The following PLCB1 variants were observed in gnomAD, a reference collection of about 807,000 sequenced individuals.
PLCB1 encodes the protein 1-phosphatidylinositol 4,5-bisphosphate phosphodiesterase beta-1.
PLCB1 carries 46 observed loss-of-function variants against 161.8 expected under a neutral mutation model. The ratio of observed to expected loss-of-function variants is 0.28; its 90% confidence interval spans 0.22 to 0.36. The LOEUF (loss-of-function observed/expected upper bound fraction) is 0.36, where lower values mean the gene tolerates loss of function less well. Ranked by LOEUF, PLCB1 falls within the 10% of genes least tolerant of loss-of-function variation. The probability of loss-of-function intolerance (pLI) is 1.00; values close to 1 mark genes in which losing one functional copy is unlikely to be tolerated. For missense variants in PLCB1, 1,016 were observed against 1,472.5 expected (o/e 0.69, Z 5.07); for synonymous variants, 517 against 503.7 (o/e 1.03, Z -0.35).
chr20:8,151,236 C>T (rs2051504834), intron 2 of PLCB1, among the ~76,000 whole-genome samples: 1 of 152,194 alleles, frequency 6.6e-6, no homozygotes, highest in Non-Finnish European at 1.5e-5. Context: ...ACCATTAAAA[C>T]AGCTGGAACC....
intron 3 of PLCB1, among the ~76,000 whole-genome samples, chr20:8,409,519 AT>A (rs1806596206): frequency 6.6e-6 from 1 of 151,768 alleles, no homozygotes; most frequent in Non-Finnish European, 1.5e-5. Flanking sequence ...CTGAAGTGCA[AT>A]GGCATGGTCT....
chr20:8,210,446 C>A (rs866549647), intron 2 of PLCB1, among the ~76,000 whole-genome samples: 1 of 152,018 alleles, frequency 6.6e-6, no homozygotes, highest in Non-Finnish European at 1.5e-5. Flanking sequence ...CCTTTAAATT[C>A]ATTAAATCTG....
intron 26 of PLCB1, among the ~76,000 whole-genome samples, chr20:8,773,664 G>A (rs1982802926): frequency 6.6e-6 from 1 of 152,078 alleles, no homozygotes; most frequent in African/African-American, 2.4e-5. Context: ...TTCATTGTGT[G>A]TCTTTGCTGT....
chr20:8,658,510 T>C (rs760457525), intron 8 of PLCB1, 28 bp from the exon 9 acceptor site: 1 of 1,540,392 alleles, frequency 6.5e-7, no homozygotes, highest in Non-Finnish European at 8.8e-7. Flanking sequence ...TAAAAAATTC[T>C]TATTGCTTGG....
intron 27 of PLCB1, among the ~76,000 whole-genome samples, chr20:8,780,362 C>T (rs1221140576): frequency 6.6e-6 from 1 of 152,122 alleles, no homozygotes; most frequent in East Asian, 1.9e-4. Flanking sequence ...TGTCTTCTTT[C>T]TTCTTCCTCC....
chr20:8,814,304 AT>A (rs1984976029), intron 31 of PLCB1, among the ~76,000 whole-genome samples: 1 of 152,228 alleles, frequency 6.6e-6, no homozygotes, highest in Non-Finnish European at 1.5e-5. Flanking sequence ...CTTTTGGAAC[AT>A]TCTGTCTAAG....
At chr20:8,398,766 CT>C (rs557297141) in intron 3 of PLCB1, among the ~76,000 whole-genome samples, 48 of 147,540 alleles carry the variant, frequency 3.3e-4, no homozygotes, top group Middle Eastern at 3.5e-3. Flanking sequence ...ATAATTTGCA[CT>C]TTTTTTTTTT....
At chr20:8,521,367 C>T (rs549993894) in intron 3 of PLCB1, among the ~76,000 whole-genome samples, 7 of 151,804 alleles carry the variant, frequency 4.6e-5, no homozygotes, top group South Asian at 2.1e-4. Flanking sequence ...GGGCCTACTA[C>T]GTGCTGATGG....
intron 9 of PLCB1, among the ~76,000 whole-genome samples, chr20:8,681,873 C>G (rs1859282795): frequency 6.6e-6 from 1 of 152,124 alleles, no homozygotes; most frequent in Non-Finnish European, 1.5e-5. Context: ...AATTTATTTT[C>G]TATTTTGAAT....
intron 31 of PLCB1, chr20:8,802,147 A>G (rs911502218): frequency 1.9e-6 from 3 of 1,607,822 alleles, no homozygotes; most frequent in Non-Finnish European, 2.6e-6. Context: ...CAAGCTCTCA[A>G]GTGGTGACCA....
At chr20:8,430,939 A>T (rs1980012522) in intron 3 of PLCB1, among the ~76,000 whole-genome samples, 1 of 152,162 alleles carries the variant, frequency 6.6e-6, no homozygotes, top group Admixed American at 6.5e-5. Context: ...AGCCTGGGTG[A>T]CAGAGCAAGA....
chr20:8,399,780 C>G (rs1978467628), intron 3 of PLCB1, among the ~76,000 whole-genome samples: 1 of 151,814 alleles, frequency 6.6e-6, no homozygotes, highest in South Asian at 2.1e-4. Context: ...TAGAAAATGA[C>G]AAAATCATTA....
At chr20:8,369,899 A>G (rs1392645440) in intron 2 of PLCB1, among the ~76,000 whole-genome samples, 1 of 152,128 alleles carries the variant, frequency 6.6e-6, no homozygotes, top group Non-Finnish European at 1.5e-5. Context: ...TTTGGCCTTT[A>G]CTACAAGGCA....
At chr20:8,175,465 A>T (rs548137137) in intron 2 of PLCB1, among the ~76,000 whole-genome samples, 2 of 31,612 alleles carry the variant, frequency 6.3e-5, no homozygotes, top group South Asian at 8.3e-4. Flanking sequence ...AAGTAAAAAT[A>T]AAAAAAAAAG....
rs151094769 is a variant in PLCB1, at chr20:8,331,671, G to T, written c.178-39711G>T. ...TTTGATCCTAAACAAAGAGCTTGTT[G>T]TTAAAGTGGTGTTATTTTGTTTTAT... On this transcript the variant is annotated intron_variant, in intron 2 of 31. Transcript: ENST00000338037. Among the ~76,000 whole-genome samples, 883 of 152,290 alleles carry T rather than the reference G, an allele frequency of 5.8e-3. 9 individuals carry two copies. The highest frequency in any genetic ancestry group is 0.02 in the African/African-American group (848 of 41,558).
At chr20:8,417,108 A>G (rs1282866087) in intron 3 of PLCB1, among the ~76,000 whole-genome samples, 1 of 46,960 alleles carries the variant, frequency 2.1e-5, no homozygotes, top group African/African-American at 6.6e-5. Context: ...TTTTTTTGAG[A>G]TGGAGTCTCA....
At chr20:8,230,406 G>A (rs139654540) in intron 2 of PLCB1, among the ~76,000 whole-genome samples, 178 of 152,214 alleles carry the variant, frequency 1.2e-3, no homozygotes, top group Admixed American at 2.6e-3. Context: ...TTGTGTGTGT[G>A]TTGGAAACAT....
At chr20:8,191,206 T>A (rs1319845185) in intron 2 of PLCB1, among the ~76,000 whole-genome samples, 1 of 152,006 alleles carries the variant, frequency 6.6e-6, no homozygotes, top group African/African-American at 2.4e-5. Flanking sequence ...CATGTTTTGA[T>A]ACGGGCATAC....
At chr20:8,694,966 C>T (rs548321664) in intron 10 of PLCB1, among the ~76,000 whole-genome samples, 2 of 152,308 alleles carry the variant, frequency 1.3e-5, no homozygotes, top group South Asian at 2.1e-4. Flanking sequence ...TTCCCCTTTA[C>T]TCCCACTGTC....
Sources: allele counts gnomAD v4.1 joint callset (sites outside exome capture counted in the v4.1 genomes callset), GRCh38; gene constraint gnomAD v4.1.1; transcripts MANE v1.5; gene names NCBI Gene and HGNC (gene_info 2026-07-23, HGNC 2026-07-21).